The following CWH43 variants were observed in gnomAD, a reference collection of about 807,000 sequenced individuals.
CWH43 encodes the protein cell wall biogenesis 43 C-terminal homolog.
CWH43 carries 91 observed loss-of-function variants against 85.7 expected under a neutral mutation model. The ratio of observed to expected loss-of-function variants is 1.06; its 90% confidence interval spans 0.90 to 1.26. The LOEUF (loss-of-function observed/expected upper bound fraction) is 1.26, where lower values mean the gene tolerates loss of function less well. CWH43 is among the 50% of genes most tolerant of loss of function. CWH43 has a pLI of 0.00. For synonymous variants in CWH43, 323 were observed against 293.6 expected, an observed-to-expected ratio of 1.10 and a Z score of -1.02; for missense variants, 869 against 839.2, an observed-to-expected ratio of 1.04 and a Z score of -0.44.
intron 13 of CWH43, among the ~76,000 whole-genome samples, chr4:49,040,402 C>A (rs1460171292): frequency 6.6e-6 from 1 of 152,178 alleles, no homozygotes; most frequent in African/African-American, 2.4e-5. Context: ...TCCTCTCCAG[C>A]ACCTGTCGTT....
chr4:49,046,183 A>T (rs1784617260), intron 14 of CWH43, among the ~76,000 whole-genome samples: 1 of 152,190 alleles, frequency 6.6e-6, no homozygotes, highest in South Asian at 2.1e-4. Flanking sequence ...ATACATACAT[A>T]TGTGATCCAA....
intron 9 of CWH43, among the ~76,000 whole-genome samples, chr4:49,020,428 T>TATAA (rs1377765217): frequency 1.5e-3 from 101 of 69,562 alleles, no homozygotes; most frequent in East Asian, 1.6e-3. Context: ...TATATATATA[T>TATAA]AAATCATATT....
chr4:49,055,527 G>A (rs1452476567), intron 15 of CWH43, among the ~76,000 whole-genome samples: 1 of 151,948 alleles, frequency 6.6e-6, no homozygotes, highest in Non-Finnish European at 1.5e-5. Flanking sequence ...AACTGAATTT[G>A]CAGGTGTTCC....
rs1417514974 is a variant in CWH43 at position 48,994,602 on chromosome 4, G to C, written c.512-17G>C. 2 of 1,598,532 alleles carry C rather than the reference G, an allele frequency of 1.3e-6. No individual in the cohort carries two copies. Among genetic ancestry groups the C allele is most frequent in the African/African-American group, 2.7e-5 (2 of 73,888 alleles). On this transcript the variant is annotated splice_polypyrimidine_tract_variant and intron_variant, in intron 4 of 15. Coordinates refer to ENST00000226432, the MANE Select transcript of CWH43 (RefSeq NM_025087.3). ...ATATAACTAAACTTTTTCCATATATGTATTTTTAAATTCTAGATGGTGACT... is the reference window on the plus strand; with the variant it reads ...ATATAACTAAACTTTTTCCATATATCTATTTTTAAATTCTAGATGGTGACT...
chr4:49,059,624 A>G (rs979843294), intron 15 of CWH43, among the ~76,000 whole-genome samples: 4 of 152,180 alleles, frequency 2.6e-5, no homozygotes, highest in Admixed American at 1.3e-4. Context: ...GGCTGGTCCA[A>G]AGATTCTCAG....
At chr4:48,997,444 T>C (rs1370928948) in intron 5 of CWH43, among the ~76,000 whole-genome samples, 1 of 152,164 alleles carries the variant, frequency 6.6e-6, no homozygotes. Flanking sequence ...TCGTTGTTCA[T>C]TGATGCATCC....
At chr4:49,010,070 C>G (rs904022077) in intron 8 of CWH43, among the ~76,000 whole-genome samples, 1 of 152,034 alleles carries the variant, frequency 6.6e-6, no homozygotes, top group Non-Finnish European at 1.5e-5. Flanking sequence ...CTTCTTTGTA[C>G]CTGTGGTAGA....
chr4:49,044,318 T>C (rs1784554969), intron 13 of CWH43, among the ~76,000 whole-genome samples: 1 of 152,186 alleles, frequency 6.6e-6, no homozygotes, highest in African/African-American at 2.4e-5. Context: ...GGTTTTATGC[T>C]AAGTGACAGG....
intron 1 of CWH43, chr4:48,986,858 T>G: frequency 1.0e-6 from 1 of 991,072 alleles, no homozygotes; most frequent in Non-Finnish European, 1.2e-6. Flanking sequence ...AACTTTAAAA[T>G]TCAGAAGGAA....
chr4:49,013,716 A>G (rs914641705), intron 8 of CWH43, among the ~76,000 whole-genome samples: 4 of 152,190 alleles, frequency 2.6e-5, no homozygotes, highest in Admixed American at 2.6e-4. Context: ...TTCACTTCTA[A>G]CATAGATAAG....
chr4:48,996,517 A>G (rs1782819636), intron 5 of CWH43, among the ~76,000 whole-genome samples: 2 of 152,206 alleles, frequency 1.3e-5, no homozygotes, highest in African/African-American at 4.8e-5. Flanking sequence ...TAGAGTCTGT[A>G]TCTTCTTCCA....
At chr4:49,053,729 A>G (rs1784868134) in intron 15 of CWH43, among the ~76,000 whole-genome samples, 1 of 152,188 alleles carries the variant, frequency 6.6e-6, no homozygotes, top group African/African-American at 2.4e-5. Flanking sequence ...AAAAAAATCC[A>G]AAATCTGAAA....
rs1461020788 is a variant in CWH43, at chr4:49,028,913, T to C, written c.1372+179T>C. Among the ~76,000 whole-genome samples, 8 of 152,352 alleles carry C rather than the reference T, an allele frequency of 5.3e-5. No homozygotes were observed. The East Asian group carries it at 1.5e-3, about 29-fold the overall frequency. ...GCACGCAGCTGCAGGGGGACTGAGC[T>C]TCTGTAACCACTCCTGTCTTTGTTT... is the stretch of plus-strand genomic sequence containing the variant. On this transcript the variant is annotated intron_variant, in intron 10 of 15. Transcript: ENST00000226432.
intron 1 of CWH43, 40 bp downstream of exon 1, chr4:48,986,512 C>G: frequency 6.5e-7 from 1 of 1,549,896 alleles, no homozygotes; most frequent in African/African-American, 1.4e-5. Flanking sequence ...CGGGTGCCAG[C>G]TCCCCGGGCC....
chr4:48,991,742 T>A (rs1273948244), intron 3 of CWH43, among the ~76,000 whole-genome samples, 168 bp downstream of exon 3: 2 of 152,176 alleles, frequency 1.3e-5, no homozygotes, highest in African/African-American at 4.8e-5. Flanking sequence ...TTGCCATCAA[T>A]CTCAATAAGG....
intron 15 of CWH43, among the ~76,000 whole-genome samples, chr4:49,061,485 A>T (rs1785155536): frequency 6.6e-6 from 1 of 152,216 alleles, no homozygotes; most frequent in African/African-American, 2.4e-5. Flanking sequence ...TATATGCATA[A>T]ATGTAACATG....
At chr4:49,058,843 T>C (rs1377966321) in intron 15 of CWH43, among the ~76,000 whole-genome samples, 5 of 152,212 alleles carry the variant, frequency 3.3e-5, no homozygotes, top group Non-Finnish European at 5.9e-5. Context: ...CTTATAGGTG[T>C]TCCCTTGAAT....
rs1553915061 is a variant in CWH43, at chr4:49,020,416, C to CAT, written c.1266+3100_1266+3101dup. Reference sequence around the variant, plus strand: ...ACACACACACACACACACACACACACATATATATATATAAATCATATTTTC... The same window carrying CAT: ...ACACACACACACACACACACACACACATATATATATATATAAATCATATTTTC... On this transcript the variant is annotated intron_variant, in intron 9 of 15. Coordinates refer to ENST00000226432, the MANE Select transcript of CWH43 (RefSeq NM_025087.3). Among the ~76,000 whole-genome samples the CAT allele has an allele frequency of 9.3e-3, 1,198 of 128,366 alleles. 13 individuals carry two copies. The highest frequency in any genetic ancestry group is 0.029 in the African/African-American group (1,083 of 37,690). The allele number at this position is 128,366 out of a possible 152,430, so 84.2% of individuals were successfully genotyped here.
chr4:48,999,162 G>A (rs1782912257), intron 6 of CWH43, among the ~76,000 whole-genome samples: 1 of 152,120 alleles, frequency 6.6e-6, no homozygotes, highest in African/African-American at 2.4e-5. Flanking sequence ...CCCATTTAAT[G>A]ATAACATGCA....
Sources: gnomAD v4.1 joint callset for allele counts (sites outside exome capture counted in the v4.1 genomes callset) on GRCh38, gnomAD v4.1.1 for gene constraint, MANE v1.5 for transcripts, NCBI Gene and HGNC (gene_info 2026-07-23, HGNC 2026-07-21) for gene names.